Variants in TTLL5 observed in about 807,000 individuals in gnomAD.
TTLL5 encodes the protein tubulin tyrosine ligase like 5.
TTLL5 carries 132 observed loss-of-function variants against 168.4 expected under a neutral mutation model. That is an observed-to-expected ratio of 0.78 (90% CI 0.68 to 0.91). The LOEUF is 0.91. Ranked by LOEUF, TTLL5 falls within the 40% of genes least tolerant of loss-of-function variation. The pLI, the probability that TTLL5 is intolerant of heterozygous loss-of-function variation, is 0.00. For synonymous variants in TTLL5, 546 were observed against 558.6 expected, an observed-to-expected ratio of 0.98 and a Z score of 0.32; for missense variants, 1,545 against 1,581.5, an observed-to-expected ratio of 0.98 and a Z score of 0.39.
At chr14:75,735,411 A>G (rs1888822448) in intron 15 of TTLL5, 122 bp downstream of exon 15, 1 of 880,906 alleles carries the variant, frequency 1.1e-6, no homozygotes, top group Non-Finnish European at 1.9e-6. Context: ...TTTGGGGATC[A>G]CTCTAGACAG....
intron 18 of TTLL5, among the ~76,000 whole-genome samples, chr14:75,758,586 A>T (rs1451948501): frequency 6.6e-6 from 1 of 152,186 alleles, no homozygotes; most frequent in Non-Finnish European, 1.5e-5. Flanking sequence ...TATTGCCATC[A>T]ATAGGGATTT....
chr14:75,851,454 G>C (rs1213561559), intron 28 of TTLL5, among the ~76,000 whole-genome samples: 2 of 152,132 alleles, frequency 1.3e-5, no homozygotes, highest in African/African-American at 4.8e-5. Context: ...TTTAGCCTTG[G>C]GGGAGGGGAG....
chr14:75,745,265 AG>A (rs1889533076), intron 16 of TTLL5, 57 bp downstream of exon 16: 13 of 1,504,618 alleles, frequency 8.6e-6, no homozygotes, highest in Non-Finnish European at 1.2e-5. Context: ...AGTGAAAATT[AG>A]TGAGTGATTG....
intron 29 of TTLL5, among the ~76,000 whole-genome samples, chr14:75,867,758 CAAA>C (rs1399368296): frequency 2.2e-5 from 2 of 90,766 alleles, no homozygotes; most frequent in Admixed American, 1.1e-4. Context: ...AGACTGTCTC[CAAA>C]AAAAAAAAAA....
intron 31 of TTLL5, 127 bp from the exon 32 acceptor site, chr14:75,954,297 A>G: frequency 1.1e-6 from 1 of 895,210 alleles, no homozygotes; most frequent in South Asian, 1.5e-5. Flanking sequence ...TTAGAGGTGA[A>G]CTTCATTTAT....
chr14:75,773,943 GAGAGAGAGAGAGAA>G (rs1415862400), intron 21 of TTLL5, among the ~76,000 whole-genome samples: 14 of 39,720 alleles, frequency 3.5e-4, no homozygotes, highest in East Asian at 9.2e-4. Context: ...GAGAGAGAGA[GAGAGAGAGAGAGAA>G]AGAGAGAGAG....
rs1345632163 is a variant in TTLL5, at chr14:75,745,116, A to G, written c.1303A>G (p.Ser435Gly). The change falls in exon 16 of 32, where the codon AGT (serine) becomes GGT (glycine). Residue 435 changes from serine to glycine, a missense_variant. Physicochemically the swap from Ser to Gly is moderately conservative, Grantham distance 56 (BLOSUM62 0). Transcript: ENST00000298832. Reference sequence around the variant, plus strand: ...TTAGCGTTGCCGTCCACTCTCTGCCAGTGATGCGGAAATGAAAAACCTCGT... The same window carrying G: ...TTAGCGTTGCCGTCCACTCTCTGCCGGTGATGCGGAAATGAAAAACCTCGT... ...KPQRCRPLSA[S>G]DAEMKNLVGS... The G allele has an allele frequency of 2.5e-6, 4 of 1,613,814 alleles. No individual in the cohort carries two copies. Among genetic ancestry groups the G allele is most frequent in the Admixed American group, 3.3e-5 (2 of 59,998 alleles).
rs2035061488 is a variant in TTLL5, at chr14:75,954,885, A to G, written c.*439A>G. On this transcript the variant is annotated 3_prime_UTR_variant, in exon 32 of 32. Transcript: ENST00000298832. ...TATGAAGCTTTATTTTCTTTGTACA[A>G]GCTTAAAATTTCAACATCATCATCC... is the stretch of plus-strand genomic sequence containing the variant. 6.3e-6 allele frequency: 1 copy of G among 158,176 alleles called. No individual in the cohort carries two copies. 9.8% of individuals were successfully genotyped at this position (158,176 alleles called of 1,614,324 possible). A position where few individuals can be genotyped will look rare whatever the true frequency, so the allele number is the denominator to read the frequency against.
At chr14:75,796,372 G>A (rs552490420) in intron 27 of TTLL5, among the ~76,000 whole-genome samples, 3 of 152,220 alleles carry the variant, frequency 2.0e-5, no homozygotes, top group South Asian at 4.1e-4. Context: ...CCACTGTGTG[G>A]GTTGTCTGTT....
chr14:75,954,347 A>C (rs1262152861), intron 31 of TTLL5, 77 bp from the exon 32 acceptor site: 12 of 1,489,376 alleles, frequency 8.1e-6, no homozygotes, highest in Non-Finnish European at 1.0e-5. Flanking sequence ...ATGTTAGATA[A>C]ACCAGACATT....
intron 31 of TTLL5, among the ~76,000 whole-genome samples, chr14:75,913,566 CAGAAA>C (rs1467608392): frequency 6.6e-6 from 1 of 151,834 alleles, no homozygotes; most frequent in Admixed American, 6.6e-5. Flanking sequence ...AATCCCAATT[CAGAAA>C]AGAAAACAAA....
At chr14:75,827,123 T>G (rs916406868) in intron 28 of TTLL5, among the ~76,000 whole-genome samples, 4 of 152,238 alleles carry the variant, frequency 2.6e-5, no homozygotes, top group Admixed American at 2.6e-4. Flanking sequence ...TTCCTGAAGC[T>G]GCTTTGTGGG....
At chr14:75,692,843 G>T (rs143193013) in intron 6 of TTLL5, among the ~76,000 whole-genome samples, 2 of 152,152 alleles carry the variant, frequency 1.3e-5, no homozygotes, top group African/African-American at 2.4e-5. Context: ...TATGGATTTG[G>T]ATGTCGATGG....
rs539823416 is a variant in TTLL5, at chr14:75,902,659, G to C, written c.3823+435G>C. 6 of 457,060 alleles carry C rather than the reference G, an allele frequency of 1.3e-5. No individual in the cohort carries two copies. In the East Asian group the frequency reaches 4.2e-4, roughly 32 times the overall value. The allele number at this position is 457,060 out of a possible 1,614,324, so 28.3% of individuals were successfully genotyped here. A position where few individuals can be genotyped will look rare whatever the true frequency, so the allele number is the denominator to read the frequency against. ...AAGTTTATGCGTGGATGCAGAGCTG[G>C]AGCTCTGGTCTTTGATCTACGTGTT... On this transcript the variant is annotated intron_variant, in intron 31 of 31. Transcript: ENST00000298832.
intron 27 of TTLL5, among the ~76,000 whole-genome samples, chr14:75,817,335 G>T (rs1273984158): frequency 6.6e-6 from 1 of 152,050 alleles, no homozygotes; most frequent in Non-Finnish European, 1.5e-5. Context: ...GAAGCAGTAG[G>T]GGACAGAAAT....
At chr14:75,748,045 A>C (rs1416095192) in intron 17 of TTLL5, among the ~76,000 whole-genome samples, 1 of 152,182 alleles carries the variant, frequency 6.6e-6, no homozygotes. Flanking sequence ...CTGTCTGTGT[A>C]GTCTGGAAAT....
At chr14:75,758,268 A>G (rs1239747613) in intron 18 of TTLL5, among the ~76,000 whole-genome samples, 1 of 152,204 alleles carries the variant, frequency 6.6e-6, no homozygotes, top group Non-Finnish European at 1.5e-5. Flanking sequence ...AAAGTATACA[A>G]AACACCTGTG....
intron 31 of TTLL5, among the ~76,000 whole-genome samples, chr14:75,935,304 T>C (rs1009412502): frequency 3.3e-5 from 5 of 152,188 alleles, no homozygotes; most frequent in African/African-American, 1.2e-4. Flanking sequence ...GAGGGGAGAT[T>C]CTCCCTTTGC....
intron 23 of TTLL5, among the ~76,000 whole-genome samples, chr14:75,778,048 G>A (rs1891823020): frequency 6.6e-6 from 1 of 150,712 alleles, no homozygotes; most frequent in South Asian, 2.1e-4. Flanking sequence ...ATAATTTTCA[G>A]GTTTATCCTA....
Sources: gnomAD v4.1 joint callset for allele counts (sites outside exome capture counted in the v4.1 genomes callset) on GRCh38, gnomAD v4.1.1 for gene constraint, MANE v1.5 for transcripts, NCBI Gene and HGNC (gene_info 2026-07-23, HGNC 2026-07-21) for gene names.